FOXP2: variants seen among roughly 807,000 people sequenced by gnomAD.
FOXP2 encodes forkhead box P2.
FOXP2 carries 12 observed loss-of-function variants against 115.8 expected under a neutral mutation model. The observed-to-expected ratio is 0.10, with a 90% CI of 0.07 to 0.17. The LOEUF is 0.17. FOXP2 is among the 10% of genes least tolerant of loss of function. The pLI is 1.00. For missense variants in FOXP2, 629 were observed against 843.5 expected (o/e 0.75, Z 3.15); for synonymous variants, 328 against 297.7 (o/e 1.10, Z -1.05).
chr7:114,491,619 C>G (rs1200574488), intron 2 of FOXP2, among the ~76,000 whole-genome samples: 1 of 152,068 alleles, frequency 6.6e-6, no homozygotes, highest in Non-Finnish European at 1.5e-5. Flanking sequence ...AGGTTTTCTT[C>G]TAGGGTTTTT....
chr7:114,547,873 A>G (rs541655364), intron 3 of FOXP2, among the ~76,000 whole-genome samples: 3 of 152,368 alleles, frequency 2.0e-5, no homozygotes, highest in South Asian at 2.1e-4. Flanking sequence ...ATTTAATTAT[A>G]TCTATTGCCT....
intron 3 of FOXP2, among the ~76,000 whole-genome samples, chr7:114,545,815 C>A (rs540480184): frequency 9.9e-5 from 15 of 152,134 alleles, no homozygotes; most frequent in Admixed American, 2.6e-4. Flanking sequence ...TTTTTTGCAT[C>A]TTTTAAATTT....
At chr7:114,336,993 C>T (rs777160774) in intron 2 of FOXP2, among the ~76,000 whole-genome samples, 1 of 151,446 alleles carries the variant, frequency 6.6e-6, no homozygotes, top group East Asian at 1.9e-4. Flanking sequence ...ATAATTGAAT[C>T]AACATGCAGA....
At chr7:114,185,207 T>C (rs1410091093) in intron 1 of FOXP2, among the ~76,000 whole-genome samples, 1 of 121,202 alleles carries the variant, frequency 8.3e-6, no homozygotes, top group African/African-American at 2.5e-5. Context: ...TGTATTTATG[T>C]TTATTATTCT....
At chr7:114,302,692 G>A (rs551880545) in intron 2 of FOXP2, among the ~76,000 whole-genome samples, 11 of 152,230 alleles carry the variant, frequency 7.2e-5, no homozygotes, top group African/African-American at 1.9e-4. Context: ...TCTAGCTAAC[G>A]AATATGGCAC....
chr7:114,537,694 CATCACATCTGACAAGCTTGAGTGCCA>C (rs1799465256), intron 3 of FOXP2, among the ~76,000 whole-genome samples: 1 of 151,586 alleles, frequency 6.6e-6, no homozygotes, highest in Admixed American at 6.6e-5. Context: ...AAGAAGAAAA[CATCACATCTGACAAGCTTGAGTGCCA>C]ATTGTAGTAG....
At position 114,197,959 on chromosome 7, in the gene FOXP2, G is replaced by A. The variant is rs182252831; in HGVS notation, c.-102+34871G>A. Among the ~76,000 whole-genome samples, 3 of 151,872 alleles carry A rather than the reference G, an allele frequency of 2.0e-5. No homozygotes were observed. The East Asian group carries it at 5.8e-4, about 29-fold the overall frequency. ...AGCTCACTGCAACCTCTGCCTCTTG[G>A]TTTCAAGCGATCCTCCCACCTCAGC... On this transcript the variant is annotated intron_variant, in intron 1 of 17. Transcript: ENST00000634411.
chr7:114,376,323 A>G (rs1014055045), intron 2 of FOXP2, among the ~76,000 whole-genome samples: 1 of 152,198 alleles, frequency 6.6e-6, no homozygotes, highest in African/African-American at 2.4e-5. Flanking sequence ...GCAGTTTATA[A>G]TCTCAGCGAC....
chr7:114,162,249 G>T (rs943074367), upstream of FOXP2, among the ~76,000 whole-genome samples: 1 of 152,090 alleles, frequency 6.6e-6, no homozygotes, highest in Non-Finnish European at 1.5e-5. Flanking sequence ...TTCTTGTAAA[G>T]AAAGGTGGGA....
intron 2 of FOXP2, among the ~76,000 whole-genome samples, chr7:114,452,340 T>C (rs975226629): frequency 7.9e-5 from 12 of 152,032 alleles, no homozygotes; most frequent in African/African-American, 2.7e-4. Context: ...AAAAATCTTA[T>C]TGGTAATACA....
chr7:114,335,754 T>A (rs1280922107), intron 2 of FOXP2, among the ~76,000 whole-genome samples: 3 of 151,806 alleles, frequency 2.0e-5, no homozygotes, highest in Non-Finnish European at 4.4e-5. Flanking sequence ...TTAAATGGTG[T>A]GTGATTTCAA....
intron 2 of FOXP2, among the ~76,000 whole-genome samples, chr7:114,315,845 T>C (rs1041319440): frequency 6.6e-6 from 1 of 152,186 alleles, no homozygotes; most frequent in African/African-American, 2.4e-5. Flanking sequence ...AAAAACACTG[T>C]ATTTAGTATA....
chr7:114,399,657 C>T (rs1027352810), intron 2 of FOXP2, among the ~76,000 whole-genome samples: 3 of 152,008 alleles, frequency 2.0e-5, no homozygotes, highest in African/African-American at 4.8e-5. Context: ...GACAGACGTT[C>T]CTGACTCTTG....
At chr7:114,562,025 T>C (rs1441911050) in intron 3 of FOXP2, among the ~76,000 whole-genome samples, 4 of 152,118 alleles carry the variant, frequency 2.6e-5, no homozygotes, top group African/African-American at 4.8e-5. Flanking sequence ...CTATGTTCTC[T>C]TGCACCATAC....
At chr7:114,252,760 T>C (rs1469588739) in intron 1 of FOXP2, among the ~76,000 whole-genome samples, 2 of 151,396 alleles carry the variant, frequency 1.3e-5, no homozygotes, top group African/African-American at 2.5e-5. Flanking sequence ...CTTTCATTGA[T>C]TTTTTGAAGG....
At chr7:114,316,732 G>A (rs556126944) in intron 2 of FOXP2, among the ~76,000 whole-genome samples, 1 of 152,032 alleles carries the variant, frequency 6.6e-6, no homozygotes, top group South Asian at 2.1e-4. Context: ...GCTCAGAGAG[G>A]GCTAGGATTT....
intron 14 of FOXP2, among the ~76,000 whole-genome samples, chr7:114,662,975 A>G (rs1806956819): frequency 6.6e-6 from 1 of 152,138 alleles, no homozygotes; most frequent in African/African-American, 2.4e-5. Context: ...GTATGTGCTA[A>G]TATCTGCATT....
intron 1 of FOXP2, among the ~76,000 whole-genome samples, chr7:114,168,629 G>C (rs1418933443): frequency 6.6e-6 from 1 of 152,110 alleles, no homozygotes; most frequent in Non-Finnish European, 1.5e-5. Context: ...CTGACAATGC[G>C]ATAGAAAAGA....
chr7:114,304,627 G>A (rs937580749), intron 2 of FOXP2, among the ~76,000 whole-genome samples: 14 of 123,992 alleles, frequency 1.1e-4, no homozygotes, highest in Admixed American at 3.3e-4. Flanking sequence ...CCAAGATCGC[G>A]CAACTGCACT....
Sources: gnomAD v4.1 joint callset for allele counts (sites outside exome capture counted in the v4.1 genomes callset) on GRCh38, gnomAD v4.1.1 for gene constraint, MANE v1.5 for transcripts, NCBI Gene and HGNC (gene_info 2026-07-23, HGNC 2026-07-21) for gene names.